SCAPER: variants seen among roughly 807,000 people sequenced by gnomAD.
The protein encoded by SCAPER is S phase cyclin A-associated protein in the endoplasmic reticulum.
A neutral mutation model predicts 182.2 loss-of-function variants in SCAPER; 98 were observed. The ratio of observed to expected loss-of-function variants is 0.54; its 90% CI spans 0.46 to 0.64. The LOEUF (loss-of-function observed/expected upper bound fraction) is 0.64, where lower values mean the gene tolerates loss of function less well. Ranked by LOEUF, SCAPER falls within the 30% of genes least tolerant of loss-of-function variation. The pLI, the probability that SCAPER is intolerant of heterozygous loss-of-function variation, is 0.00. For missense variants in SCAPER, 1,432 were observed against 1,690.0 expected, an observed-to-expected ratio of 0.85 and a Z score of 2.68; for synonymous variants, 605 against 564.6, an observed-to-expected ratio of 1.07 and a Z score of -1.01.
At chr15:76,537,369 G>T (rs528510987) in intron 23 of SCAPER, among the ~76,000 whole-genome samples, 2 of 152,112 alleles carry the variant, frequency 1.3e-5, no homozygotes, top group African/African-American at 4.8e-5. Flanking sequence ...CCAAAACAGA[G>T]ATACAGATCA....
chr15:76,403,879 G>A (rs778575831), intron 27 of SCAPER, among the ~76,000 whole-genome samples: 2 of 152,138 alleles, frequency 1.3e-5, no homozygotes, highest in Non-Finnish European at 1.5e-5. Context: ...CCTTCCTAGA[G>A]AATTATTGTT....
intron 30 of SCAPER, 58 bp from the exon 31 acceptor site, chr15:76,351,346 AG>A (rs2040532977): frequency 2.7e-6 from 4 of 1,487,174 alleles, no homozygotes; most frequent in African/African-American, 1.4e-5. Context: ...AATTTCACTA[AG>A]GGTGGCTTTA....
intron 24 of SCAPER, among the ~76,000 whole-genome samples, chr15:76,483,578 G>GA (rs1218706075): frequency 1.3e-5 from 2 of 151,978 alleles, no homozygotes; most frequent in African/African-American, 4.8e-5. Context: ...CAAACTAGGA[G>GA]AAAAATACAT....
At chr15:76,794,604 C>G (rs777098336) in intron 8 of SCAPER, among the ~76,000 whole-genome samples, 9 of 152,216 alleles carry the variant, frequency 5.9e-5, no homozygotes, top group Non-Finnish European at 8.8e-5. Flanking sequence ...CCAATGGCAT[C>G]TTCCACTGAA....
intron 22 of SCAPER, among the ~76,000 whole-genome samples, chr15:76,584,265 G>C (rs1023873654): frequency 6.7e-6 from 1 of 150,198 alleles, no homozygotes; most frequent in Non-Finnish European, 1.5e-5. Flanking sequence ...GGTTACCAGA[G>C]GCTGGTAAGG....
rs189754503 is a variant in SCAPER, at chr15:76,593,992, A to C, written c.2712-19708T>G. ...AGAATGAGTTTGACAAATTAACAGA[A>C]GTAGGCTTCAGAAGGTGGGTAATAA... On this transcript the variant is annotated intron_variant, in intron 22 of 31. Transcript: ENST00000563290. Among the ~76,000 whole-genome samples the C allele has an allele frequency of 3.2e-3, 382 of 121,008 alleles. 40 individuals carry two copies. Among genetic ancestry groups the C allele is most frequent in the African/African-American group, 9.2e-3 (363 of 39,664 alleles). 79.4% of individuals were successfully genotyped at this position (121,008 alleles called of 152,430 possible). A position where few individuals can be genotyped will look rare whatever the true frequency, so the allele number is the denominator to read the frequency against.
chr15:76,779,253 T>C (rs183990359), intron 8 of SCAPER, among the ~76,000 whole-genome samples: 186 of 152,118 alleles, frequency 1.2e-3, no homozygotes, highest in Non-Finnish European at 1.7e-3. Flanking sequence ...TTTCAAATGC[T>C]CACAGAACAT....
At chr15:76,384,561 G>C (rs2043170485) in intron 27 of SCAPER, among the ~76,000 whole-genome samples, 1 of 152,134 alleles carries the variant, frequency 6.6e-6, no homozygotes, top group Non-Finnish European at 1.5e-5. Flanking sequence ...CCAGTCTTTT[G>C]CAAATATTAT....
chr15:76,728,977 T>C (rs990771732), intron 16 of SCAPER, among the ~76,000 whole-genome samples: 1 of 152,110 alleles, frequency 6.6e-6, no homozygotes, highest in Admixed American at 6.6e-5. Flanking sequence ...ATACAAACAC[T>C]GTGTTATACT....
rs371234007 is a variant in SCAPER at position 76,518,086 on chromosome 15, C to T, written c.2839-13112G>A. Among the ~76,000 whole-genome samples the T allele has an allele frequency of 2.0e-5, 3 of 152,240 alleles. No homozygotes were observed. The East Asian group carries it at 5.8e-4, about 29-fold the overall frequency. On this transcript the variant is annotated intron_variant, in intron 23 of 31. Transcript: ENST00000563290. The stretch of plus-strand genomic sequence containing the variant: ...TTGCCAGGAAATGGGAAGAAATGTG[C>T]ACACAGCAGGAGGGAAACAGGCCTT...
chr15:76,453,593 G>A (rs1464094445), intron 25 of SCAPER, among the ~76,000 whole-genome samples: 1 of 152,172 alleles, frequency 6.6e-6, no homozygotes, highest in Non-Finnish European at 1.5e-5. Flanking sequence ...CTATCAGGTA[G>A]CAGACAGTTC....
chr15:76,795,251 C>CA, intron 8 of SCAPER, 29 bp downstream of exon 8: 1 of 1,597,126 alleles, frequency 6.3e-7, no homozygotes, highest in South Asian at 1.1e-5. Context: ...CTGTTTACTA[C>CA]ACAAAATGGC....
chr15:76,510,297 G>A (rs1198569522), intron 23 of SCAPER, among the ~76,000 whole-genome samples: 1 of 152,110 alleles, frequency 6.6e-6, no homozygotes, highest in African/African-American at 2.4e-5. Context: ...ACAACTCACA[G>A]AGTGGGAGAA....
intron 22 of SCAPER, among the ~76,000 whole-genome samples, chr15:76,600,607 G>A (rs2049868883): frequency 8.5e-6 from 1 of 117,602 alleles, no homozygotes; most frequent in African/African-American, 2.6e-5. Flanking sequence ...CTGTCACCAT[G>A]CCTGGCTAAT....
intron 27 of SCAPER, among the ~76,000 whole-genome samples, chr15:76,387,909 G>A (rs767364694): frequency 3.3e-5 from 5 of 152,144 alleles, no homozygotes; most frequent in Non-Finnish European, 5.9e-5. Flanking sequence ...AAAAGACTTA[G>A]CAAATTAGGT....
At chr15:76,742,947 T>C (rs1317252460) in intron 15 of SCAPER, among the ~76,000 whole-genome samples, 1 of 152,128 alleles carries the variant, frequency 6.6e-6, no homozygotes, top group Non-Finnish European at 1.5e-5. Flanking sequence ...ACATTTCTTC[T>C]ATAATTCTAA....
At chr15:76,638,655 T>C (rs1305515592) in intron 21 of SCAPER, among the ~76,000 whole-genome samples, 1 of 152,200 alleles carries the variant, frequency 6.6e-6, no homozygotes, top group Non-Finnish European at 1.5e-5. Context: ...ATTATACTGA[T>C]TGATTTTCAA....
chr15:76,621,148 G>C (rs1025183251), intron 22 of SCAPER, among the ~76,000 whole-genome samples: 1 of 152,166 alleles, frequency 6.6e-6, no homozygotes, highest in Non-Finnish European at 1.5e-5. Flanking sequence ...GACCATACTA[G>C]TCTGTACTCC....
At chr15:76,894,050 AG>A (rs1171393523) in intron 1 of SCAPER, among the ~76,000 whole-genome samples, 2 of 152,186 alleles carry the variant, frequency 1.3e-5, no homozygotes, top group Non-Finnish European at 2.9e-5. Flanking sequence ...CAGGAGTTCA[AG>A]ACCAGCCTGG....
Sources: gnomAD v4.1 joint callset for allele counts (sites outside exome capture counted in the v4.1 genomes callset) on GRCh38, gnomAD v4.1.1 for gene constraint, MANE v1.5 for transcripts, NCBI Gene and HGNC (gene_info 2026-07-23, HGNC 2026-07-21) for gene names.